GNG2: variants seen among roughly 807,000 people sequenced by gnomAD.
GNG2 encodes G protein subunit gamma 2.
GNG2 carries 5 observed loss-of-function variants against 5.5 expected under a neutral mutation model. The ratio of observed to expected loss-of-function variants is 0.91; its 90% CI spans 0.48 to 1.92. The LOEUF (loss-of-function observed/expected upper bound fraction) is 1.92, where lower values mean the gene tolerates loss of function less well. Ranked by LOEUF, GNG2 falls within the 30% of genes most tolerant of loss-of-function variation. The probability of loss-of-function intolerance (pLI) is 0.01; values close to 1 mark genes in which losing one functional copy is unlikely to be tolerated. For missense variants in GNG2, 55 were observed against 88.4 expected, an observed-to-expected ratio of 0.62 and a Z score of 1.52; for synonymous variants, 28 against 32.0, an observed-to-expected ratio of 0.88 and a Z score of 0.42.
intron 3 of GNG2, among the ~76,000 whole-genome samples, chr14:51,964,576 T>C (rs1026278096): frequency 2.0e-5 from 3 of 152,194 alleles, no homozygotes; most frequent in African/African-American, 7.2e-5. Flanking sequence ...TGCTGGCAGA[T>C]GGAGCAGCCT....
intron 2 of GNG2, among the ~76,000 whole-genome samples, chr14:51,942,589 C>CTTTCTTTCTCTCT (rs761049973): frequency 1.2e-5 from 1 of 81,146 alleles, no homozygotes; most frequent in South Asian, 4.1e-4. Flanking sequence ...TTCTTTCTTT[C>CTTTCTTTCTCTCT]TTTTTTTTTT....
intron 2 of GNG2, among the ~76,000 whole-genome samples, chr14:51,880,108 A>T (rs556972393): frequency 1.3e-5 from 2 of 152,298 alleles, no homozygotes; most frequent in South Asian, 4.1e-4. Flanking sequence ...AGTGTCTGGC[A>T]TTGGATCAAG....
At chr14:51,856,665 T>C (rs1882177064), upstream of GNG2, among the ~76,000 whole-genome samples, 1 of 152,208 alleles carries the variant, frequency 6.6e-6, no homozygotes, top group Non-Finnish European at 1.5e-5. Flanking sequence ...ACTCCTGACC[T>C]AGTGATCTGC....
At chr14:51,884,608 G>C (rs1161863208) in intron 2 of GNG2, among the ~76,000 whole-genome samples, 1 of 152,188 alleles carries the variant, frequency 6.6e-6, no homozygotes, top group Non-Finnish European at 1.5e-5. Context: ...TGTGGCTCCT[G>C]CAGTAAAGGC....
At chr14:51,926,498 T>C (rs578063469) in intron 2 of GNG2, among the ~76,000 whole-genome samples, 40 of 152,308 alleles carry the variant, frequency 2.6e-4, no homozygotes, top group African/African-American at 8.7e-4. Flanking sequence ...GGCCACCTTT[T>C]TGGTGCTCAG....
chr14:51,870,364 A>C (rs1223537712), intron 1 of GNG2, among the ~76,000 whole-genome samples: 1 of 152,260 alleles, frequency 6.6e-6, no homozygotes, highest in African/African-American at 2.4e-5. Context: ...ATAACCTTCT[A>C]AACAAAATAT....
rs1278806203 is a variant in GNG2, at chr14:51,968,733, A to G, written c.*2046A>G. The G allele has an allele frequency of 6.6e-6, 1 of 152,254 alleles. No individual in the cohort carries two copies. The allele number at this position is 152,254 out of a possible 1,614,324, so 9.4% of individuals were successfully genotyped here. On this transcript the variant is annotated 3_prime_UTR_variant, in exon 4 of 4. Transcript: ENST00000556766. ...AGCTAAAACATATCACAGTTTTTACATGGGCCAAAACATGAATTGAGTATG... is the reference window on the plus strand; with the variant it reads ...AGCTAAAACATATCACAGTTTTTACGTGGGCCAAAACATGAATTGAGTATG...
At chr14:51,939,933 A>T (rs1232810575) in intron 2 of GNG2, 5 of 152,252 alleles carry the variant, frequency 3.3e-5, no homozygotes, top group African/African-American at 1.2e-4. Flanking sequence ...CTTCTGACGA[A>T]TGTGCTGACC....
chr14:51,849,977 T>C (rs537075064), intron 2 of GNG2, among the ~76,000 whole-genome samples: 2 of 152,232 alleles, frequency 1.3e-5, no homozygotes, highest in East Asian at 3.9e-4. Context: ...GCCTGCCTAA[T>C]AAAAAATAAA....
At chr14:51,859,014 G>A (rs551440118), upstream of GNG2, among the ~76,000 whole-genome samples, 4 of 152,258 alleles carry the variant, frequency 2.6e-5, no homozygotes, top group African/African-American at 7.2e-5. Flanking sequence ...CTAGGTTAAC[G>A]TGCTGTGGTC....
intron 2 of GNG2, among the ~76,000 whole-genome samples, chr14:51,881,668 A>T (rs1319879895): frequency 6.7e-6 from 1 of 148,876 alleles, no homozygotes; most frequent in East Asian, 1.9e-4. Flanking sequence ...TAGCTTCCCT[A>T]GAATAGGCAT....
At chr14:51,833,613 A>G (rs1311697193) in intron 2 of GNG2, among the ~76,000 whole-genome samples, 1 of 152,236 alleles carries the variant, frequency 6.6e-6, no homozygotes, top group Non-Finnish European at 1.5e-5. Flanking sequence ...ATCCTAAGGA[A>G]TTTTTAACAG....
chr14:51,884,317 C>T (rs1321178919), intron 2 of GNG2, among the ~76,000 whole-genome samples: 1 of 152,110 alleles, frequency 6.6e-6, no homozygotes, highest in East Asian at 1.9e-4. Flanking sequence ...GTAGTTTTAG[C>T]CTCTGTTAAC....
At chr14:51,889,534 TTA>T (rs202182431) in intron 2 of GNG2, among the ~76,000 whole-genome samples, 1,621 of 152,336 alleles carry the variant, frequency 0.011, 29 homozygotes, top group Non-Finnish European at 0.013. Flanking sequence ...TGGTATTTCA[TTA>T]TATATCAGTA....
At chr14:51,859,508 T>C (rs1298011577), upstream of GNG2, among the ~76,000 whole-genome samples, 2 of 152,208 alleles carry the variant, frequency 1.3e-5, no homozygotes, top group Non-Finnish European at 2.9e-5. Flanking sequence ...AGAGTTAATA[T>C]GTGCCGAATA....
intron 1 of GNG2, among the ~76,000 whole-genome samples, chr14:51,868,726 A>T (rs572942845): frequency 6.6e-6 from 1 of 152,330 alleles, no homozygotes; most frequent in Admixed American, 6.5e-5. Context: ...ATGTTCTGTA[A>T]TCTACAAACT....
intron 3 of GNG2, among the ~76,000 whole-genome samples, chr14:51,952,621 G>C (rs1889051123): frequency 6.6e-6 from 1 of 152,150 alleles, no homozygotes; most frequent in South Asian, 2.1e-4. Flanking sequence ...TTAATATTCA[G>C]CATCCCCAGT....
chr14:51,869,286 G>A (rs1883143336), intron 1 of GNG2, among the ~76,000 whole-genome samples: 1 of 152,184 alleles, frequency 6.6e-6, no homozygotes, highest in Non-Finnish European at 1.5e-5. Context: ...AATGGCGTAA[G>A]CAATAGGAAA....
intron 1 of GNG2, among the ~76,000 whole-genome samples, chr14:51,867,320 A>G (rs1882963430): frequency 6.6e-6 from 1 of 152,182 alleles, no homozygotes; most frequent in Admixed American, 6.5e-5. Context: ...TTGTACAGCA[A>G]GCTGCCTGCA....
Sources: allele counts gnomAD v4.1 joint callset (sites outside exome capture counted in the v4.1 genomes callset), GRCh38; gene constraint gnomAD v4.1.1; transcripts MANE v1.5; gene names NCBI Gene and HGNC (gene_info 2026-07-23, HGNC 2026-07-21).